Variants in TPP2 observed in about 807,000 individuals in gnomAD.
TPP2 encodes tripeptidyl-peptidase 2.
In TPP2, 34 loss-of-function variants were observed where a neutral mutation model predicts 155.9. The ratio of observed to expected loss-of-function variants is 0.22; its 90% CI spans 0.17 to 0.29. The LOEUF (loss-of-function observed/expected upper bound fraction) is 0.29, where lower values mean the gene tolerates loss of function less well. TPP2 is among the 10% of genes least tolerant of loss of function. The pLI, the probability that TPP2 is intolerant of heterozygous loss-of-function variation, is 1.00. For synonymous variants in TPP2, 510 were observed against 529.4 expected (o/e 0.96, Z 0.50); for missense variants, 1,028 against 1,522.3 (o/e 0.68, Z 5.40).
At chr13:102,620,425 A>C (rs1301706982) in intron 5 of TPP2, among the ~76,000 whole-genome samples, 1 of 152,154 alleles carries the variant, frequency 6.6e-6, no homozygotes, top group Non-Finnish European at 1.5e-5. Context: ...TTTTTGCATA[A>C]TACAGTATAT....
chr13:102,617,172 C>T (rs1880810923), intron 4 of TPP2, among the ~76,000 whole-genome samples: 1 of 152,054 alleles, frequency 6.6e-6, no homozygotes, highest in East Asian at 1.9e-4. Context: ...CCTTGGCCTC[C>T]CAAAGTGCTG....
At chr13:102,627,710 G>C in intron 7 of TPP2, 138 bp from the exon 8 acceptor site, 1 of 608,262 alleles carries the variant, frequency 1.6e-6, no homozygotes, top group South Asian at 2.1e-5. Flanking sequence ...CAGGTATATG[G>C]TGATATGCCT....
At chr13:102,653,185 G>T (rs1193506567) in intron 24 of TPP2, among the ~76,000 whole-genome samples, 4 of 152,066 alleles carry the variant, frequency 2.6e-5, no homozygotes, top group Non-Finnish European at 5.9e-5. Flanking sequence ...ACACAATAAA[G>T]CTCTTATTTT....
intron 1 of TPP2, among the ~76,000 whole-genome samples, chr13:102,601,720 A>C (rs960168629): frequency 2.4e-4 from 37 of 151,986 alleles, no homozygotes; most frequent in African/African-American, 8.7e-4. Context: ...CCTTTCCTTT[A>C]CTTCTCCCAA....
At position 102,672,134 on chromosome 13, in the gene TPP2, TGAAAG is replaced by T. The variant is rs1214072197; in HGVS notation, c.3372-2141_3372-2137del. Among the ~76,000 whole-genome samples, 18 of 151,916 alleles carry T rather than the reference TGAAAG, an allele frequency of 1.2e-4. 1 individual carries two copies. Among genetic ancestry groups the T allele is most frequent in the African/African-American group, 3.6e-4 (15 of 41,442 alleles). ...CCTCAGACTATGGCCGAGTGACAGA[TGAAAG>T]GAAAGGAGTACTCAGACACAGGTAT... is the stretch of plus-strand genomic sequence containing the variant. On this transcript the variant is annotated intron_variant, in intron 27 of 29. Coordinates refer to ENST00000376052, the MANE Select transcript of TPP2 (RefSeq NM_001330588.2).
Position 102,612,866 on chromosome 13 carries a change from A to G in TPP2, c.295-1235A>G, listed in dbSNP as rs1442624321. On this transcript the variant is annotated intron_variant, in intron 2 of 29. Transcript: ENST00000376052. Reference sequence around the variant, plus strand: ...TATTTTGCAGTTATTTTAATTAGTTACTTCATTTAATCTTTTGGCATTTCA... The same window carrying G: ...TATTTTGCAGTTATTTTAATTAGTTGCTTCATTTAATCTTTTGGCATTTCA... Among the ~76,000 whole-genome samples the G allele has an allele frequency of 3.9e-5, 6 of 152,278 alleles. No homozygotes were observed. The East Asian group carries it at 1.2e-3, about 29-fold the overall frequency.
intron 16 of TPP2, among the ~76,000 whole-genome samples, chr13:102,642,674 C>T (rs756202271): frequency 9.2e-5 from 14 of 152,036 alleles, no homozygotes; most frequent in Non-Finnish European, 1.5e-4. Flanking sequence ...TCTGGCATTG[C>T]GGTGATCTTG....
At chr13:102,600,900 A>G (rs1879383026) in intron 1 of TPP2, among the ~76,000 whole-genome samples, 1 of 150,916 alleles carries the variant, frequency 6.6e-6, no homozygotes, top group African/African-American at 2.4e-5. Context: ...TTTTTCCCTC[A>G]AAGACAGGGT....
chr13:102,636,983 C>A, intron 13 of TPP2, 99 bp from the exon 14 acceptor site: 1 of 1,314,388 alleles, frequency 7.6e-7, no homozygotes, highest in East Asian at 2.5e-5. Flanking sequence ...TACAGCCAAC[C>A]AAACCAAGTC....
chr13:102,609,016 G>T (rs959065752), intron 2 of TPP2, among the ~76,000 whole-genome samples: 1 of 151,996 alleles, frequency 6.6e-6, no homozygotes, highest in Non-Finnish European at 1.5e-5. Context: ...TTTCCCTCAG[G>T]ATGCCCAGTT....
rs634293 is a variant in TPP2 at position 102,640,460 on chromosome 13, G to A, written c.2020+84G>A. 0.47 allele frequency: 503,675 copies of A among 1,072,558 alleles called. 120,176 individuals are homozygous for A. The highest frequency in any genetic ancestry group is 0.6 in the African/African-American group (38,014 of 63,430). 66.4% of individuals were successfully genotyped at this position (1,072,558 alleles called of 1,614,324 possible). A position where few individuals can be genotyped will look rare whatever the true frequency, so the allele number is the denominator to read the frequency against. On this transcript the variant is annotated intron_variant, in intron 16 of 29. Transcript: ENST00000376052. ...GCTGTATGAGGTTCGTTTATCTGTA[G>A]CATGTATTTCCCTGGTACTAATATA...
rs1321205277 is a variant in TPP2 at position 102,679,697 on chromosome 13, A to G, written c.*1381A>G. The G allele has an allele frequency of 6.6e-6, 1 of 152,222 alleles. No homozygotes were observed. Among genetic ancestry groups the G allele is most frequent in the East Asian group, 1.9e-4 (1 of 5,202 alleles). 9.4% of individuals were successfully genotyped at this position (152,222 alleles called of 1,614,324 possible). The stretch of plus-strand genomic sequence containing the variant: ...CATGTTCTCTCTCACACACTCATGG[A>G]CTTTCACCTGCACACACATACAGGT... On this transcript the variant is annotated 3_prime_UTR_variant, in exon 30 of 30. Transcript: ENST00000376052.
chr13:102,649,519 C>G (rs1190934482), intron 23 of TPP2, 33 bp downstream of exon 23: 2 of 1,547,680 alleles, frequency 1.3e-6, no homozygotes, highest in Non-Finnish European at 1.8e-6. Context: ...CTGAAATTAC[C>G]TATTAAAAAA....
chr13:102,630,342 A>C, intron 10 of TPP2, 147 bp downstream of exon 10: 2 of 556,844 alleles, frequency 3.6e-6, no homozygotes, highest in Non-Finnish European at 6.2e-6. Flanking sequence ...TAACAGTCTC[A>C]TCTCAGGGAC....
intron 3 of TPP2, 74 bp from the exon 4 acceptor site, chr13:102,616,322 A>C (rs1290564369): frequency 8.3e-7 from 1 of 1,199,188 alleles, no homozygotes; most frequent in Non-Finnish European, 1.2e-6. Context: ...AACAAAGTCC[A>C]CATATAAATG....
intron 24 of TPP2, among the ~76,000 whole-genome samples, chr13:102,653,682 C>G (rs991935866): frequency 3.3e-5 from 5 of 152,182 alleles, no homozygotes; most frequent in Non-Finnish European, 5.9e-5. Flanking sequence ...AGACATGAGC[C>G]ACTGCACCCA....
chr13:102,631,032 C>T (rs550628423), intron 10 of TPP2, among the ~76,000 whole-genome samples: 22 of 152,022 alleles, frequency 1.4e-4, no homozygotes, highest in Non-Finnish European at 2.9e-5. Flanking sequence ...TGAAGTTGAC[C>T]TTAAAGGATG....
chr13:102,674,311 G>A lies in TPP2; in HGVS notation c.3400G>A (p.Val1134Ile), dbSNP rs375137754. ...NDMDKQKSTL[V>I]DALCRKGCAL... Reference sequence around the variant, plus strand: ...CATGGACAAACAAAAATCCACCCTCGTAGATGCCCTTTGTAGGAAAGGTTG... The same window carrying A: ...CATGGACAAACAAAAATCCACCCTCATAGATGCCCTTTGTAGGAAAGGTTG... The change falls in exon 28 of 30, where the codon GTA (valine) becomes ATA (isoleucine). Residue 1134 changes from valine (V) to isoleucine (I), a missense_variant. This residue lies in a region of TPP2 where 116 missense variants were observed against 117.3 expected (regional missense o/e 0.99). Transcript: ENST00000376052. 1.7e-5 allele frequency: 28 copies of A among 1,613,482 alleles called. No individual in the cohort carries two copies. Among genetic ancestry groups the A allele is most frequent in the African/African-American group, 6.7e-5 (5 of 74,864 alleles).
intron 3 of TPP2, among the ~76,000 whole-genome samples, chr13:102,615,997 C>T (rs1880690571): frequency 1.3e-5 from 2 of 151,414 alleles, no homozygotes; most frequent in African/African-American, 4.9e-5. Context: ...TACTCTGTTG[C>T]CCAGGCTGGA....
Sources: allele counts gnomAD v4.1 joint callset (sites outside exome capture counted in the v4.1 genomes callset), GRCh38; gene constraint gnomAD v4.1.1; regional missense constraint gnomAD v4.1.1; transcripts MANE v1.5; gene names NCBI Gene and HGNC (gene_info 2026-07-23, HGNC 2026-07-21).